LCLAT1: variants seen among roughly 807,000 people sequenced by gnomAD.
The protein encoded by LCLAT1 is lysocardiolipin acyltransferase 1.
LCLAT1 carries 11 observed loss-of-function variants against 30.7 expected under a neutral mutation model. The observed-to-expected ratio is 0.36, with a 90% confidence interval of 0.23 to 0.59. The LOEUF (loss-of-function observed/expected upper bound fraction) is 0.59, where lower values mean the gene tolerates loss of function less well. LCLAT1 is among the 20% of genes least tolerant of loss of function. LCLAT1 has a pLI of 0.77. For missense variants in LCLAT1, 402 were observed against 458.6 expected, an observed-to-expected ratio of 0.88 and a Z score of 1.13; for synonymous variants, 155 against 151.3, an observed-to-expected ratio of 1.02 and a Z score of -0.18.
At chr2:30,492,366 G>A (rs955097389) in intron 1 of LCLAT1, among the ~76,000 whole-genome samples, 1 of 152,084 alleles carries the variant, frequency 6.6e-6, no homozygotes, top group Non-Finnish European at 1.5e-5. Context: ...TCCTTGAGAG[G>A]AGTAAAGCGG....
chr2:30,610,649 C>G (rs145485486), intron 5 of LCLAT1, among the ~76,000 whole-genome samples: 3 of 152,070 alleles, frequency 2.0e-5, no homozygotes, highest in African/African-American at 7.2e-5. Flanking sequence ...AACAGGCTGT[C>G]ATTAAAAACA....
At chr2:30,569,302 T>C (rs1401630882) in intron 5 of LCLAT1, among the ~76,000 whole-genome samples, 17 of 152,248 alleles carry the variant, frequency 1.1e-4, no homozygotes, top group Admixed American at 9.8e-4. Context: ...ACTTTTTAAT[T>C]ATAGTTCTGC....
At chr2:30,486,606 C>T (rs779556778) in intron 1 of LCLAT1, among the ~76,000 whole-genome samples, 2 of 152,176 alleles carry the variant, frequency 1.3e-5, no homozygotes, top group Non-Finnish European at 2.9e-5. Context: ...TTCAAATCCT[C>T]TAGTGGCAGA....
chr2:30,625,688 G>A (rs144840655), intron 5 of LCLAT1, among the ~76,000 whole-genome samples: 1 of 152,154 alleles, frequency 6.6e-6, no homozygotes, highest in Non-Finnish European at 1.5e-5. Flanking sequence ...TATATATTTT[G>A]TAGATTTACA....
At chr2:30,593,032 C>T (rs1361060779) in intron 5 of LCLAT1, among the ~76,000 whole-genome samples, 2 of 152,092 alleles carry the variant, frequency 1.3e-5, no homozygotes, top group South Asian at 2.1e-4. Flanking sequence ...TATTTTTGTA[C>T]ATCTTAACCA....
intron 3 of LCLAT1, among the ~76,000 whole-genome samples, chr2:30,560,931 C>T (rs1212976799): frequency 6.6e-6 from 1 of 152,076 alleles, no homozygotes; most frequent in Non-Finnish European, 1.5e-5. Flanking sequence ...TTGCCCTTCA[C>T]TCTCATATGC....
At chr2:30,565,955 TC>T in intron 4 of LCLAT1, among the ~76,000 whole-genome samples, 1 of 152,284 alleles carries the variant, frequency 6.6e-6, no homozygotes, top group East Asian at 1.9e-4. Context: ...ACTGCACCGA[TC>T]CTGAGGTGGG....
At chr2:30,508,071 G>A (rs976436917) in intron 1 of LCLAT1, among the ~76,000 whole-genome samples, 4 of 152,036 alleles carry the variant, frequency 2.6e-5, no homozygotes, top group South Asian at 2.1e-4. Context: ...TCATATGCTC[G>A]TTGGCCACAT....
At chr2:30,630,505 A>G (rs1390288942) in intron 5 of LCLAT1, among the ~76,000 whole-genome samples, 1 of 152,218 alleles carries the variant, frequency 6.6e-6, no homozygotes, top group Non-Finnish European at 1.5e-5. Context: ...TCATTTATCT[A>G]TAGTAACTTC....
At chr2:30,493,833 T>G (rs965107165) in intron 1 of LCLAT1, among the ~76,000 whole-genome samples, 1 of 152,174 alleles carries the variant, frequency 6.6e-6, no homozygotes, top group African/African-American at 2.4e-5. Context: ...ATGAAAGTTC[T>G]TAGTACATAG....
chr2:30,551,252 C>T (rs1322610948), intron 3 of LCLAT1, among the ~76,000 whole-genome samples: 2 of 152,216 alleles, frequency 1.3e-5, no homozygotes, highest in Non-Finnish European at 2.9e-5. Flanking sequence ...CGCCAACCTC[C>T]TGCCTTGGCT....
At chr2:30,562,614 T>C (rs960199037) in intron 4 of LCLAT1, among the ~76,000 whole-genome samples, 1 of 152,224 alleles carries the variant, frequency 6.6e-6, no homozygotes, top group African/African-American at 2.4e-5. Flanking sequence ...GCCCATTGAA[T>C]TTATAGTAGG....
chr2:30,625,856 C>T (rs1225553445), intron 5 of LCLAT1, among the ~76,000 whole-genome samples: 4 of 152,124 alleles, frequency 2.6e-5, no homozygotes, highest in Non-Finnish European at 5.9e-5. Flanking sequence ...AACTGATCTT[C>T]AACAAATGAC....
At chr2:30,506,017 C>T (rs958754746) in intron 1 of LCLAT1, among the ~76,000 whole-genome samples, 2 of 152,216 alleles carry the variant, frequency 1.3e-5, no homozygotes, top group South Asian at 2.1e-4. Flanking sequence ...AATCCATTAA[C>T]GGTTCAGAGT....
At chr2:30,637,981 C>A (rs1242434997) in intron 5 of LCLAT1, among the ~76,000 whole-genome samples, 1 of 152,158 alleles carries the variant, frequency 6.6e-6, no homozygotes, top group Admixed American at 6.5e-5. Context: ...ACTTCCTCTA[C>A]CCCCTGCGAA....
chr2:30,518,837 T>C (rs1685325325), intron 1 of LCLAT1, among the ~76,000 whole-genome samples: 1 of 152,192 alleles, frequency 6.6e-6, no homozygotes, highest in Non-Finnish European at 1.5e-5. Context: ...CTGGACTGTT[T>C]TACCCCAAGG....
intron 1 of LCLAT1, among the ~76,000 whole-genome samples, chr2:30,471,448 G>A (rs1682785145): frequency 6.6e-6 from 1 of 151,758 alleles, no homozygotes; most frequent in African/African-American, 2.4e-5. Flanking sequence ...GACCTCAAGT[G>A]ATCCACCCGC....
chr2:30,626,933 C>A (rs1162203105), intron 5 of LCLAT1, among the ~76,000 whole-genome samples: 2 of 152,068 alleles, frequency 1.3e-5, no homozygotes, highest in Admixed American at 6.5e-5. Flanking sequence ...TTTATGGAAT[C>A]TTGATGTGAG....
At chr2:30,506,183 G>A (rs1684650077) in intron 1 of LCLAT1, among the ~76,000 whole-genome samples, 1 of 151,934 alleles carries the variant, frequency 6.6e-6, no homozygotes, top group South Asian at 2.1e-4. Flanking sequence ...ACTTCTTTTT[G>A]TTCCTAAGAA....
Sources: gnomAD v4.1 joint callset for allele counts (sites outside exome capture counted in the v4.1 genomes callset) on GRCh38, gnomAD v4.1.1 for gene constraint, MANE v1.5 for transcripts, NCBI Gene and HGNC (gene_info 2026-07-23, HGNC 2026-07-21) for gene names.